The following SIPA1L1 variants were observed in gnomAD, a reference collection of about 807,000 sequenced individuals.
The protein encoded by SIPA1L1 is signal-induced proliferation-associated 1-like protein 1.
Under a neutral mutation model 162.7 loss-of-function variants are expected in SIPA1L1, and 26 were observed. The observed-to-expected ratio is 0.16, with a 90% CI of 0.12 to 0.22. The LOEUF (loss-of-function observed/expected upper bound fraction) is 0.22. Ranked by LOEUF, SIPA1L1 falls within the 10% of genes least tolerant of loss-of-function variation. The pLI is 1.00. For synonymous variants in SIPA1L1, 829 were observed against 837.4 expected (o/e 0.99, Z 0.17); for missense variants, 1,874 against 2,241.0 (o/e 0.84, Z 3.31).
intron 10 of SIPA1L1, among the ~76,000 whole-genome samples, chr14:71,664,114 G>A (rs1201285190): frequency 2.6e-5 from 4 of 152,088 alleles, no homozygotes; most frequent in African/African-American, 7.2e-5. Flanking sequence ...GGGGAGGCAG[G>A]GTAAGGACGA....
intron 7 of SIPA1L1, among the ~76,000 whole-genome samples, chr14:71,640,825 G>T (rs776382276): frequency 1.3e-5 from 2 of 152,084 alleles, no homozygotes; most frequent in African/African-American, 2.4e-5. Flanking sequence ...GGGTTTCACT[G>T]TGTTGGCCAA....
intron 19 of SIPA1L1, among the ~76,000 whole-genome samples, chr14:71,727,382 A>G (rs1317911719): frequency 6.6e-6 from 1 of 151,958 alleles, no homozygotes; most frequent in Non-Finnish European, 1.5e-5. Context: ...CAACTGTGAG[A>G]TAGAGGACCA....
intron 3 of SIPA1L1, among the ~76,000 whole-genome samples, chr14:71,517,321 G>T (rs1261086090): frequency 6.6e-6 from 1 of 151,416 alleles, no homozygotes; most frequent in Non-Finnish European, 1.5e-5. Flanking sequence ...AATTTTTTTT[G>T]GTTTATTACA....
At chr14:71,504,156 A>G (rs2050467006) in intron 2 of SIPA1L1, among the ~76,000 whole-genome samples, 1 of 152,144 alleles carries the variant, frequency 6.6e-6, no homozygotes, top group Non-Finnish European at 1.5e-5. Context: ...ATCTTGTTCA[A>G]TAAAAAAAAA....
intron 2 of SIPA1L1, among the ~76,000 whole-genome samples, chr14:71,336,253 T>C (rs935202233): frequency 6.6e-6 from 1 of 152,236 alleles, no homozygotes; most frequent in Non-Finnish European, 1.5e-5. Flanking sequence ...TAGTTCTTAG[T>C]ATATTCATAC....
At chr14:71,554,225 C>T (rs996810302) in intron 4 of SIPA1L1, among the ~76,000 whole-genome samples, 1 of 152,006 alleles carries the variant, frequency 6.6e-6, no homozygotes, top group Non-Finnish European at 1.5e-5. Context: ...CTTGGTTTCA[C>T]TGTGCTCAAA....
chr14:71,519,597 G>A (rs1410190025), intron 3 of SIPA1L1, among the ~76,000 whole-genome samples: 2 of 151,918 alleles, frequency 1.3e-5, no homozygotes, highest in Non-Finnish European at 2.9e-5. Flanking sequence ...GGCTAAGGCT[G>A]GAAAATTGTT....
intron 2 of SIPA1L1, among the ~76,000 whole-genome samples, chr14:71,416,975 T>C (rs2042815583): frequency 6.6e-6 from 1 of 152,054 alleles, no homozygotes; most frequent in South Asian, 2.1e-4. Flanking sequence ...GGTCTGGAAC[T>C]CCTGACCTCA....
intron 2 of SIPA1L1, among the ~76,000 whole-genome samples, chr14:71,367,629 A>T (rs1380732413): frequency 4.3e-5 from 4 of 92,962 alleles, no homozygotes; most frequent in African/African-American, 1.4e-4. Flanking sequence ...TTTTTTGGAG[A>T]CAGGTTTGCT....
At chr14:71,352,289 ACCTCAGCCTCCTGAGTAGCTGGG>A (rs2036797624) in intron 2 of SIPA1L1, among the ~76,000 whole-genome samples, 1 of 151,950 alleles carries the variant, frequency 6.6e-6, no homozygotes, top group African/African-American at 2.4e-5. Context: ...TGATCCTCCC[ACCTCAGCCTCCTGAGTAGCTGGG>A]AGGGTTGAAT....
chr14:71,554,947 A>T (rs533424677), intron 4 of SIPA1L1, among the ~76,000 whole-genome samples: 13 of 148,436 alleles, frequency 8.8e-5, no homozygotes, highest in East Asian at 3.9e-4. Flanking sequence ...TTCCTAATTT[A>T]AAAAAAAAAC....
At chr14:71,446,921 T>TTTTTTTTTTG (rs2045436492) in intron 2 of SIPA1L1, among the ~76,000 whole-genome samples, 1 of 112,582 alleles carries the variant, frequency 8.9e-6, no homozygotes, top group Non-Finnish European at 1.8e-5. Context: ...TTTTTTTTTT[T>TTTTTTTTTTG]TTTTTTTTGA....
At chr14:71,575,766 T>C (rs2032923941) in intron 4 of SIPA1L1, among the ~76,000 whole-genome samples, 2 of 152,336 alleles carry the variant, frequency 1.3e-5, no homozygotes, top group South Asian at 4.1e-4. Context: ...AATCTTTTAA[T>C]AGATTTGCTC....
At chr14:71,686,837 T>C (rs1174665381) in intron 13 of SIPA1L1, among the ~76,000 whole-genome samples, 1 of 152,158 alleles carries the variant, frequency 6.6e-6, no homozygotes, top group East Asian at 1.9e-4. Context: ...GGGAACTGTG[T>C]TGGGGAGAAG....
At chr14:71,445,574 T>C (rs2045281431) in intron 2 of SIPA1L1, among the ~76,000 whole-genome samples, 1 of 152,214 alleles carries the variant, frequency 6.6e-6, no homozygotes, top group Admixed American at 6.5e-5. Flanking sequence ...GTACTGGTGG[T>C]TCACTTAAGT....
chr14:71,517,358 G>C (rs2051845923), intron 3 of SIPA1L1, among the ~76,000 whole-genome samples: 1 of 151,988 alleles, frequency 6.6e-6, no homozygotes, highest in Non-Finnish European at 1.5e-5. Context: ...GGTACTGAGG[G>C]ACATTGTCCC....
chr14:71,687,173 C>A (rs1285474706), intron 13 of SIPA1L1, among the ~76,000 whole-genome samples: 3 of 152,210 alleles, frequency 2.0e-5, no homozygotes, highest in Non-Finnish European at 4.4e-5. Context: ...TACAACTTCT[C>A]ATTTCATCCT....
chr14:71,664,552 TACAG>T (rs989155859), intron 10 of SIPA1L1, among the ~76,000 whole-genome samples: 1 of 152,222 alleles, frequency 6.6e-6, no homozygotes, highest in Non-Finnish European at 1.5e-5. Flanking sequence ...TCCTTTGTGT[TACAG>T]ACAATCTAGT....
intron 2 of SIPA1L1, among the ~76,000 whole-genome samples, chr14:71,458,651 G>C (rs906142496): frequency 7.9e-5 from 12 of 152,122 alleles, no homozygotes; most frequent in African/African-American, 2.9e-4. Context: ...GTTTTTACTA[G>C]ATGTATTATG....
Sources: gnomAD v4.1 joint callset for allele counts (sites outside exome capture counted in the v4.1 genomes callset) on GRCh38, gnomAD v4.1.1 for gene constraint, MANE v1.5 for transcripts, NCBI Gene and HGNC (gene_info 2026-07-23, HGNC 2026-07-21) for gene names.